The following SVOP variants were observed in gnomAD, a reference collection of about 807,000 sequenced individuals.
The protein encoded by SVOP is SV2 related protein, also known as synaptic vesicle 2-related protein.
A neutral mutation model predicts 69.1 loss-of-function variants in SVOP; 17 were observed. That is an observed-to-expected ratio of 0.25 (90% confidence interval 0.17 to 0.37). The LOEUF is 0.37. Among genes scored for constraint, SVOP ranks in the 10% least tolerant of loss-of-function variants. SVOP has a pLI of 1.00. For missense variants in SVOP, 435 were observed against 597.5 expected (o/e 0.73, Z 2.84); for synonymous variants, 238 against 238.6 (o/e 1.00, Z 0.02).
chr12:108,971,443 A>AG (rs2040078795), intron 5 of SVOP, among the ~76,000 whole-genome samples: 4 of 152,070 alleles, frequency 2.6e-5, no homozygotes, highest in Admixed American at 2.6e-4. Context: ...AAAAAAAAAA[A>AG]AAAAAATGTC....
intron 2 of SVOP, among the ~76,000 whole-genome samples, chr12:108,982,695 C>A (rs1415931717): frequency 3.0e-5 from 4 of 133,312 alleles, no homozygotes; most frequent in African/African-American, 1.1e-4. Flanking sequence ...ATCATCATCA[C>A]CATCATCATC....
At chr12:109,001,591 G>A (rs1197599861) in intron 1 of SVOP, among the ~76,000 whole-genome samples, 2 of 141,378 alleles carry the variant, frequency 1.4e-5, no homozygotes, top group Non-Finnish European at 3.1e-5. Flanking sequence ...AAACAGCATG[G>A]TACTGGTACC....
At chr12:108,984,369 CT>C (rs1206282018) in intron 1 of SVOP, among the ~76,000 whole-genome samples, 1 of 152,178 alleles carries the variant, frequency 6.6e-6, no homozygotes, top group Non-Finnish European at 1.5e-5. Flanking sequence ...ATCCCAATGT[CT>C]CTTGAAAAAG....
chr12:108,943,339 T>A (rs1204246552), intron 7 of SVOP, among the ~76,000 whole-genome samples: 1 of 151,478 alleles, frequency 6.6e-6, no homozygotes, highest in Non-Finnish European at 1.5e-5. Flanking sequence ...GGCTCACACC[T>A]GTAATCCCAG....
chr12:108,952,332 T>A (rs564762069), intron 6 of SVOP, among the ~76,000 whole-genome samples: 1 of 150,822 alleles, frequency 6.6e-6, no homozygotes, highest in African/African-American at 2.4e-5. Context: ...ACCCCCAGGT[T>A]CAAGTGATTC....
In SVOP at chr12:108,988,498, T is replaced by C. The variant is rs975198103; in HGVS notation, c.36-4737A>G. Among the ~76,000 whole-genome samples, 59 of 152,264 alleles carry C rather than the reference T, an allele frequency of 3.9e-4. 1 individual carries two copies. Among genetic ancestry groups the C allele is most frequent in the African/African-American group, 1.3e-3 (56 of 41,548 alleles). On this transcript the variant is annotated intron_variant, in intron 1 of 15. Transcript: ENST00000610966. Reference sequence around the variant, plus strand: ...AAAGACTGTCCTTTCCCCTACTGAGTGATCTTGGCACCATTTTGAAAATCA... The same window carrying C: ...AAAGACTGTCCTTTCCCCTACTGAGCGATCTTGGCACCATTTTGAAAATCA...
chr12:108,988,770 C>CTTTTTTTTTTTTTTT (rs758822738), intron 1 of SVOP, among the ~76,000 whole-genome samples: 3 of 92,174 alleles, frequency 3.3e-5, no homozygotes, highest in Admixed American at 1.5e-4. Context: ...TCTTTTCTCT[C>CTTTTTTTTTTTTTTT]TTTTTTTTTT....
chr12:108,933,221 A>T (rs2039832469), intron 11 of SVOP, among the ~76,000 whole-genome samples: 1 of 152,102 alleles, frequency 6.6e-6, no homozygotes, highest in Non-Finnish European at 1.5e-5. Flanking sequence ...TAAATAAGTA[A>T]ATTTAACTAA....
intron 1 of SVOP, among the ~76,000 whole-genome samples, chr12:109,005,642 C>G (rs2040302803): frequency 6.6e-6 from 1 of 152,142 alleles, no homozygotes; most frequent in Non-Finnish European, 1.5e-5. Context: ...CAGTGGTACC[C>G]AAGGAACCCT....
At chr12:109,020,693 A>T in intron 1 of SVOP, 141 bp downstream of exon 1, 1 of 457,750 alleles carries the variant, frequency 2.2e-6, no homozygotes, top group South Asian at 2.1e-5. Context: ...TGTCTCCTCC[A>T]GGCCCTAATT....
chr12:108,983,874 T>C (rs906457620), intron 1 of SVOP, 113 bp from the exon 2 acceptor site: 23 of 397,772 alleles, frequency 5.8e-5, no homozygotes, highest in Admixed American at 1.3e-4. Context: ...GTTTGGAGAG[T>C]TGATGGATGG....
intron 6 of SVOP, among the ~76,000 whole-genome samples, chr12:108,956,424 C>CTCTA (rs2039986323): frequency 6.6e-6 from 1 of 152,160 alleles, no homozygotes. Flanking sequence ...GGGGTGGGCG[C>CTCTA]TCTAGCAGGA....
chr12:108,927,390 A>T (rs1407379445), intron 11 of SVOP, among the ~76,000 whole-genome samples: 2 of 152,146 alleles, frequency 1.3e-5, no homozygotes, highest in Non-Finnish European at 2.9e-5. Context: ...TTAATTTTAT[A>T]TTTGTACGAG....
chr12:108,932,957 C>T (rs1387413258), intron 11 of SVOP, among the ~76,000 whole-genome samples: 4 of 152,148 alleles, frequency 2.6e-5, no homozygotes, highest in African/African-American at 9.7e-5. Context: ...CTGCTCACTG[C>T]AACCCCCACC....
chr12:109,003,355 C>T (rs1170010268), intron 1 of SVOP, among the ~76,000 whole-genome samples: 1 of 152,176 alleles, frequency 6.6e-6, no homozygotes, highest in East Asian at 1.9e-4. Flanking sequence ...AACTATTGAC[C>T]GTGCTCTAGT....
chr12:109,007,786 C>CCCAA (rs1264135490), intron 1 of SVOP, among the ~76,000 whole-genome samples: 1 of 152,158 alleles, frequency 6.6e-6, no homozygotes, highest in Non-Finnish European at 1.5e-5. Flanking sequence ...TGCCTATAAT[C>CCCAA]CCAACACTTG....
chr12:108,960,567 C>T (rs1027721438), intron 6 of SVOP, among the ~76,000 whole-genome samples: 1 of 152,168 alleles, frequency 6.6e-6, no homozygotes, highest in African/African-American at 2.4e-5. Flanking sequence ...TGATTTCACT[C>T]TCTGAGGCTC....
intron 1 of SVOP, among the ~76,000 whole-genome samples, chr12:108,996,976 A>AACAGCTCCGGTCT: frequency 6.6e-6 from 1 of 152,176 alleles, no homozygotes; most frequent in Non-Finnish European, 1.5e-5. Flanking sequence ...GCCGAATAGG[A>AACAGCTCCGGTCT]ACAGCTCCGG....
chr12:109,012,269 C>A (rs890271282), intron 1 of SVOP, among the ~76,000 whole-genome samples: 1 of 149,472 alleles, frequency 6.7e-6, no homozygotes, highest in East Asian at 2.0e-4. Flanking sequence ...AGCAACAGAG[C>A]GAGACTGTCT....
Sources: gnomAD v4.1 joint callset for allele counts (sites outside exome capture counted in the v4.1 genomes callset) on GRCh38, gnomAD v4.1.1 for gene constraint, MANE v1.5 for transcripts, NCBI Gene and HGNC (gene_info 2026-07-23, HGNC 2026-07-21) for gene names.